Variants in LSG1 observed in about 807,000 individuals in gnomAD.
LSG1 encodes the protein large subunit GTPase 1 homolog.
Under a neutral mutation model 82.6 loss-of-function variants are expected in LSG1, and 55 were observed. The observed-to-expected ratio is 0.67, with a 90% confidence interval of 0.54 to 0.83. The LOEUF (loss-of-function observed/expected upper bound fraction) is 0.83. Ranked by LOEUF, LSG1 falls within the 40% of genes least tolerant of loss-of-function variation. The probability of loss-of-function intolerance (pLI) is 0.00; values close to 1 mark genes in which losing one functional copy is unlikely to be tolerated. For missense variants in LSG1, 809 were observed against 807.9 expected (o/e 1.00, Z -0.02); for synonymous variants, 272 against 282.5 (o/e 0.96, Z 0.37).
chr3:194,654,547 T>C (rs1252570573), intron 7 of LSG1, among the ~76,000 whole-genome samples: 1 of 152,174 alleles, frequency 6.6e-6, no homozygotes, highest in Admixed American at 6.5e-5. Flanking sequence ...AACCCTGGCT[T>C]ATGAGAGAAA....
chr3:194,651,334 T>C, intron 8 of LSG1, 118 bp from the exon 9 acceptor site: 1 of 690,080 alleles, frequency 1.4e-6, no homozygotes, highest in Non-Finnish European at 2.5e-6. Flanking sequence ...AGAAAATTAT[T>C]TGAAATCCAT....
At chr3:194,671,808 C>A in intron 1 of LSG1, 1 of 523,950 alleles carries the variant, frequency 1.9e-6, no homozygotes, top group Non-Finnish European at 3.3e-6. Flanking sequence ...TACTCAAGAC[C>A]TGGCATTGAA....
intron 13 of LSG1, 64 bp from the exon 14 acceptor site, chr3:194,642,311 G>C (rs1577248997): frequency 2.2e-6 from 3 of 1,354,656 alleles, no homozygotes; most frequent in East Asian, 2.4e-5. Flanking sequence ...GATATGCACA[G>C]TACTATTAGT....
intron 2 of LSG1, among the ~76,000 whole-genome samples, chr3:194,668,071 AT>A (rs1193224830): frequency 6.6e-6 from 1 of 151,332 alleles, no homozygotes; most frequent in African/African-American, 2.4e-5. Flanking sequence ...CATTGCCACA[AT>A]CCATTTTAGA....
intron 6 of LSG1, 46 bp downstream of exon 6, chr3:194,660,027 T>TTTGAGTA (rs1413151660): frequency 6.7e-7 from 1 of 1,495,090 alleles, no homozygotes; most frequent in East Asian, 2.3e-5. Flanking sequence ...GTGCTGGCAC[T>TTTGAGTA]GCTACTCAAA....
At position 194,653,108 on chromosome 3, in the gene LSG1, G is replaced by A. The variant is rs1371775792; in HGVS notation, c.794C>T (p.Thr265Ile). The change falls in exon 8 of 14, where the codon ACA becomes ATA. Residue 265 changes from threonine (T) to isoleucine (I), a missense_variant. By Grantham distance (89) the Thr-to-Ile change is moderately conservative (BLOSUM62 -1). Coordinates refer to ENST00000265245, the MANE Select transcript of LSG1 (RefSeq NM_018385.3). ...GAAACTGGAATGTCCAAACTTGGTT[G>A]TGTTGCTTTGTCTATCATCTCTGTT... ...EANRDDRQSN[T>I]TKFGHSSFDQ... The A allele has an allele frequency of 6.2e-7, 1 of 1,614,154 alleles. No individual in the cohort carries two copies. Among genetic ancestry groups the A allele is most frequent in the Non-Finnish European group, 8.5e-7 (1 of 1,179,984 alleles).
chr3:194,657,194 A>C (rs867931868), intron 7 of LSG1, among the ~76,000 whole-genome samples: 5 of 152,006 alleles, frequency 3.3e-5, no homozygotes, highest in African/African-American at 4.8e-5. Flanking sequence ...AAAAAAAAAA[A>C]AAAACGCTTG....
At chr3:194,670,239 T>C in intron 1 of LSG1, 104 bp from the exon 2 acceptor site, 1 of 1,225,168 alleles carries the variant, frequency 8.2e-7, no homozygotes. Context: ...TGAGGGTGGT[T>C]GTAGTCCCTT....
intron 12 of LSG1, chr3:194,645,547 C>CACACAGACAG (rs1718519141): frequency 8.5e-5 from 4 of 46,792 alleles, no homozygotes; most frequent in African/African-American, 3.0e-4. Flanking sequence ...CACACACACA[C>CACACAGACAG]ACACACACAC....
chr3:194,641,987 G>T lies in LSG1; in HGVS notation c.*81C>A. The stretch of plus-strand genomic sequence containing the variant: ...GCCCGTTCTACAGTGCTAGTGTCTT[G>T]GGACGGTTCCACAGGCAACAGGCAG... On this transcript the variant is annotated 3_prime_UTR_variant, in exon 14 of 14. Coordinates refer to ENST00000265245, the MANE Select transcript of LSG1 (RefSeq NM_018385.3). 6.8e-7 allele frequency: 1 copy of T among 1,475,978 alleles called. No individual in the cohort carries two copies. Among genetic ancestry groups the T allele is most frequent in the Non-Finnish European group, 9.3e-7 (1 of 1,078,690 alleles). 91.4% of individuals were successfully genotyped at this position (1,475,978 alleles called of 1,614,324 possible). A position where few individuals can be genotyped will look rare whatever the true frequency, so the allele number is the denominator to read the frequency against.
intron 1 of LSG1, 31 bp from the exon 2 acceptor site, chr3:194,670,166 C>A: frequency 6.2e-7 from 1 of 1,609,014 alleles, no homozygotes; most frequent in Non-Finnish European, 8.5e-7. Context: ...ATAAATACAG[C>A]TGCTCTCTTC....
Position 194,658,233 on chromosome 3 carries a change from C to T in LSG1, c.759+724G>A, listed in dbSNP as rs147473837. 5.2e-4 allele frequency among the ~76,000 whole-genome samples: 79 copies of T among 152,182 alleles called. 1 individual carries two copies. Among genetic ancestry groups the T allele is most frequent in the African/African-American group, 1.8e-3 (73 of 41,512 alleles). On this transcript the variant is annotated intron_variant, in intron 7 of 13. Coordinates refer to ENST00000265245, the MANE Select transcript of LSG1 (RefSeq NM_018385.3). ...CATGATCTCGGTTCACTACAACCTC[C>T]GCCTCCCAGGTTCAGCCGATTCTCC... is the stretch of plus-strand genomic sequence containing the variant.
chr3:194,652,829 T>A lies in LSG1; in HGVS notation c.1073A>T (p.His358Leu), dbSNP rs770228002. Residue 358 changes from histidine (H) to leucine (L), a missense_variant, in exon 8 of 14, where the codon CAC becomes CTC. His to Leu is a moderately conservative substitution (Grantham distance 99). Transcript: ENST00000265245. ...SRKTPQKRQI[H>L]NFSHLVSKQE... ...CTTGGATACCAGATGGCTAAAATTG[T>A]GTATCTGCCTCTTCTGTGGGGTTTT... The A allele has an allele frequency of 1.9e-5, 30 of 1,614,128 alleles. No homozygotes were observed. The highest frequency in any genetic ancestry group is 2.5e-5 in the Non-Finnish European group (30 of 1,180,022).
chr3:194,665,692 A>G (rs976760842), intron 4 of LSG1, 49 bp from the exon 5 acceptor site: 1 of 1,132,074 alleles, frequency 8.8e-7, no homozygotes, highest in African/African-American at 1.6e-5. Flanking sequence ...ATAATAGACA[A>G]TTTTTAGCAG....
At chr3:194,665,753 CCAGAGT>C in intron 4 of LSG1, 110 bp from the exon 5 acceptor site, 1 of 601,732 alleles carries the variant, frequency 1.7e-6, no homozygotes, top group Non-Finnish European at 2.9e-6. Flanking sequence ...GCACAAATAT[CCAGAGT>C]CAAATTATTT....
At chr3:194,649,457 G>A (rs773559089) in intron 10 of LSG1, among the ~76,000 whole-genome samples, 43 of 151,690 alleles carry the variant, frequency 2.8e-4, no homozygotes, top group Admixed American at 3.9e-4. Context: ...GTCGAGGCAG[G>A]CAGATTATCT....
chr3:194,669,147 A>G (rs1621453), intron 2 of LSG1, among the ~76,000 whole-genome samples: 85,746 of 151,986 alleles, frequency 0.56, 24,757 homozygotes, highest in East Asian at 0.87. Flanking sequence ...TAATAATAAC[A>G]CATTTATTAG....
In LSG1 at chr3:194,641,531, G is replaced by GT. The variant is rs1718380981; in HGVS notation, c.*536_*537insA. 1 of 152,330 alleles carries GT rather than the reference G, an allele frequency of 6.6e-6. No individual in the cohort carries two copies. Among genetic ancestry groups the GT allele is most frequent in the Admixed American group, 6.5e-5 (1 of 15,298 alleles). 9.4% of individuals were successfully genotyped at this position (152,330 alleles called of 1,614,324 possible). On this transcript the variant is annotated 3_prime_UTR_variant, in exon 14 of 14. Coordinates refer to ENST00000265245, the MANE Select transcript of LSG1 (RefSeq NM_018385.3). Reference sequence around the variant, plus strand: ...TAACTGAACCCAAGTCCCTTGTTTAGAGTCGGAGGAACCCAACTAGGACAC... The same window carrying GT: ...TAACTGAACCCAAGTCCCTTGTTTAGTAGTCGGAGGAACCCAACTAGGACAC...
chr3:194,652,198 G>A (rs1718686859), intron 8 of LSG1, among the ~76,000 whole-genome samples: 1 of 152,206 alleles, frequency 6.6e-6, no homozygotes, highest in Admixed American at 6.5e-5. Flanking sequence ...CTCGGGGTTT[G>A]CGCACTTCCG....
Sources: gnomAD v4.1 joint callset for allele counts (sites outside exome capture counted in the v4.1 genomes callset) on GRCh38, gnomAD v4.1.1 for gene constraint, MANE v1.5 for transcripts, NCBI Gene and HGNC (gene_info 2026-07-23, HGNC 2026-07-21) for gene names.